LINGO2: variants seen among roughly 807,000 people sequenced by gnomAD.
The protein encoded by LINGO2 is leucine-rich repeat and immunoglobulin-like domain-containing nogo receptor-interacting protein 2.
A neutral mutation model predicts 30.6 loss-of-function variants in LINGO2; 14 were observed. The ratio of observed to expected loss-of-function variants is 0.46; its 90% CI spans 0.30 to 0.72. The LOEUF (loss-of-function observed/expected upper bound fraction) is 0.72, where lower values mean the gene tolerates loss of function less well. Ranked by LOEUF, LINGO2 falls within the 30% of genes least tolerant of loss-of-function variation. The pLI is 0.07. For missense variants in LINGO2, 729 were observed against 751.7 expected (o/e 0.97, Z 0.35); for synonymous variants, 317 against 288.5 (o/e 1.10, Z -1.00).
At chr9:28,651,157 T>C (rs1563893283) in intron 1 of LINGO2, among the ~76,000 whole-genome samples, 1 of 150,104 alleles carries the variant, frequency 6.7e-6, no homozygotes, top group Non-Finnish European at 1.5e-5. Flanking sequence ...TACTCCAGCC[T>C]GGGCGACAGA....
chr9:28,149,596 CTGGG>C (rs1429839172), intron 4 of LINGO2, among the ~76,000 whole-genome samples: 1 of 149,792 alleles, frequency 6.7e-6, no homozygotes, highest in East Asian at 2.0e-4. Context: ...GCCGCCCTGT[CTGGG>C]AAGTGAGGAG....
intron 2 of LINGO2, among the ~76,000 whole-genome samples, chr9:28,446,728 GC>G (rs1009967612): frequency 6.6e-6 from 1 of 152,194 alleles, no homozygotes; most frequent in Non-Finnish European, 1.5e-5. Context: ...CTACAGAGCA[GC>G]CAGAATGATC....
At chr9:28,467,596 C>T (rs932841312) in intron 2 of LINGO2, among the ~76,000 whole-genome samples, 3 of 152,070 alleles carry the variant, frequency 2.0e-5, no homozygotes, top group African/African-American at 7.2e-5. Flanking sequence ...GTTTGAACAA[C>T]AAACTGATTA....
At chr9:28,077,082 C>A (rs1445770256) in intron 4 of LINGO2, among the ~76,000 whole-genome samples, 1 of 151,746 alleles carries the variant, frequency 6.6e-6, no homozygotes, top group Non-Finnish European at 1.5e-5. Context: ...TGGTTTCTAC[C>A]CCATAGAAAA....
In LINGO2 at chr9:28,003,606, C is replaced by T. The variant is rs539431104; in HGVS notation, c.-36+8749G>A. On this transcript the variant is annotated intron_variant, in intron 5 of 5. Transcript: ENST00000379992. ...CCTCCTGAGTAGCTGGGACTACAGG[C>T]GCCTGCCACCACACCCGGCTAATTT... Among the ~76,000 whole-genome samples the T allele has an allele frequency of 9.9e-5, 15 of 152,188 alleles. No individual in the cohort carries two copies. In the South Asian group the frequency reaches 1.5e-3, roughly 15 times the overall value.
intron 4 of LINGO2, among the ~76,000 whole-genome samples, chr9:28,023,592 C>T (rs368648307): frequency 6.6e-6 from 1 of 152,106 alleles, no homozygotes; most frequent in African/African-American, 2.4e-5. Flanking sequence ...TTAGCTTCTC[C>T]GCAGCCCAGT....
intron 1 of LINGO2, among the ~76,000 whole-genome samples, chr9:28,610,092 G>T (rs1328010456): frequency 6.6e-6 from 1 of 150,466 alleles, no homozygotes; most frequent in Non-Finnish European, 1.5e-5. Flanking sequence ...CAGAGGCAGA[G>T]AAAAAAACTT....
At chr9:29,028,549 G>A in the LINGO2 span, among the ~76,000 whole-genome samples, 1 of 151,962 alleles carries the variant, frequency 6.6e-6, no homozygotes, top group Non-Finnish European at 1.5e-5. Flanking sequence ...CCCATCAAAA[G>A]GTAGAATGTA....
At chr9:29,055,936 G>GTATATATATATATATATATACATAGA in the LINGO2 span, among the ~76,000 whole-genome samples, 1 of 121,862 alleles carries the variant, frequency 8.2e-6, no homozygotes, top group East Asian at 2.7e-4. Context: ...GTGTATGTGT[G>GTATATATATATATATATATACATAGA]TGTGTATATA....
chr9:28,193,465 G>A (rs548681042), intron 4 of LINGO2, among the ~76,000 whole-genome samples: 1 of 152,048 alleles, frequency 6.6e-6, no homozygotes, highest in East Asian at 1.9e-4. Flanking sequence ...TGCCAAAATT[G>A]GACAGTAAAG....
At chr9:28,980,590 C>T in the LINGO2 span, among the ~76,000 whole-genome samples, 3 of 152,030 alleles carry the variant, frequency 2.0e-5, no homozygotes, top group Non-Finnish European at 4.4e-5. Flanking sequence ...AACACATGCG[C>T]CTCCAGGCCT....
At chr9:28,861,344 AT>A in the LINGO2 span, among the ~76,000 whole-genome samples, 8 of 132,638 alleles carry the variant, frequency 6.0e-5, no homozygotes, top group Non-Finnish European at 1.1e-4. Flanking sequence ...TATTATTAAT[AT>A]ATATACATAT....
At chr9:28,054,289 G>C (rs752772768) in intron 4 of LINGO2, among the ~76,000 whole-genome samples, 1 of 152,070 alleles carries the variant, frequency 6.6e-6, no homozygotes, top group African/African-American at 2.4e-5. Flanking sequence ...CAACCAGCAG[G>C]AGCTACAGCT....
the LINGO2 span, among the ~76,000 whole-genome samples, chr9:29,125,113 C>T: frequency 8.5e-5 from 13 of 152,124 alleles, no homozygotes; most frequent in Non-Finnish European, 1.0e-4. Flanking sequence ...TTTACAGGGA[C>T]ATGGATGAAG....
the LINGO2 span, among the ~76,000 whole-genome samples, chr9:28,936,661 G>A: frequency 1.3e-5 from 2 of 152,150 alleles, no homozygotes; most frequent in Non-Finnish European, 2.9e-5. Flanking sequence ...AATAATTAGT[G>A]TTAAAAGTTA....
intron 4 of LINGO2, among the ~76,000 whole-genome samples, chr9:28,075,556 T>G (rs1028306694): frequency 3.3e-5 from 5 of 151,990 alleles, no homozygotes; most frequent in African/African-American, 1.2e-4. Context: ...CTCCACAATC[T>G]CATCAAGATT....
the LINGO2 span, among the ~76,000 whole-genome samples, chr9:29,119,580 T>A: frequency 2.4e-5 from 2 of 84,370 alleles, no homozygotes; most frequent in Non-Finnish European, 4.9e-5. Flanking sequence ...TTGTCATCTT[T>A]TTTTTTTTTT....
intron 4 of LINGO2, among the ~76,000 whole-genome samples, chr9:28,252,436 AG>A (rs1412118630): frequency 6.6e-6 from 1 of 152,122 alleles, no homozygotes; most frequent in Non-Finnish European, 1.5e-5. Context: ...CATGTTGGCC[AG>A]GATGGTCTCA....
the LINGO2 span, among the ~76,000 whole-genome samples, chr9:28,740,755 G>A: frequency 1.3e-5 from 2 of 151,870 alleles, 1 homozygote; most frequent in Non-Finnish European, 2.9e-5. Context: ...TGATTCAATT[G>A]AGCTAATTAA....
Sources: gnomAD v4.1 joint callset for allele counts (sites outside exome capture counted in the v4.1 genomes callset) on GRCh38, gnomAD v4.1.1 for gene constraint, MANE v1.5 for transcripts, NCBI Gene and HGNC (gene_info 2026-07-23, HGNC 2026-07-21) for gene names.